ICE1: variants seen among roughly 807,000 people sequenced by gnomAD.
ICE1 encodes the protein interactor of little elongation complex ELL subunit 1.
Under a neutral mutation model 192.7 loss-of-function variants are expected in ICE1, and 64 were observed. The ratio of observed to expected loss-of-function variants is 0.33; its 90% CI spans 0.27 to 0.41. The LOEUF is 0.41. Among genes scored for constraint, ICE1 ranks in the 10% least tolerant of loss-of-function variants. The pLI is 1.00. For missense variants in ICE1, 2,708 were observed against 2,696.0 expected (o/e 1.00, Z -0.10); for synonymous variants, 1,010 against 984.5 (o/e 1.03, Z -0.49).
At chr5:5,480,427 T>A (rs180871074) in intron 17 of ICE1, among the ~76,000 whole-genome samples, 3 of 152,072 alleles carry the variant, frequency 2.0e-5, no homozygotes, top group Admixed American at 1.3e-4. Context: ...TTTTTGTATT[T>A]TTAGTAGAGA....
At chr5:5,474,812 G>A (rs1739264809) in intron 16 of ICE1, among the ~76,000 whole-genome samples, 1 of 152,196 alleles carries the variant, frequency 6.6e-6, no homozygotes, top group African/African-American at 2.4e-5. Flanking sequence ...ATGGATCCAT[G>A]TGTGTCCAAG....
Position 5,463,413 on chromosome 5 carries a change from A to G in ICE1, c.4079A>G (p.Glu1360Gly), listed in dbSNP as rs2111382680. ...SDAGRQTDGG[E>G]EDLPEPVEPS... is the part of the protein sequence containing the mutation. ...GCAGGCAGGCAAACCGATGGTGGGG[A>G]AGAAGACCTGCCAGAACCTGTGGAG... is the stretch of plus-strand genomic sequence containing the variant. Residue 1360 changes from glutamate to glycine, a missense_variant, in exon 13 of 19, where the codon GAA becomes GGA. By Grantham distance (98) the Glu-to-Gly change is moderately conservative. Around this residue, in one of 2 missense-constraint regions of ICE1, gnomAD observed 2,366 missense variants for 2,276.6 expected, o/e 1.04. Transcript: ENST00000296564. The G allele has an allele frequency of 6.2e-7, 1 of 1,613,600 alleles. No individual in the cohort carries two copies. Among genetic ancestry groups the G allele is most frequent in the Non-Finnish European group, 8.5e-7 (1 of 1,179,746 alleles).
intron 1 of ICE1, among the ~76,000 whole-genome samples, chr5:5,423,764 C>T (rs1352860041): frequency 6.6e-6 from 1 of 152,112 alleles, no homozygotes; most frequent in African/African-American, 2.4e-5. Flanking sequence ...TTCCTACTAT[C>T]GCGGTTTCAG....
intron 17 of ICE1, among the ~76,000 whole-genome samples, chr5:5,482,066 T>C (rs940484490): frequency 6.6e-6 from 1 of 152,238 alleles, no homozygotes; most frequent in Admixed American, 6.5e-5. Flanking sequence ...CTATTTAAGA[T>C]TATATACTTT....
At chr5:5,432,144 T>G (rs1737728424) in intron 1 of ICE1, among the ~76,000 whole-genome samples, 1 of 152,216 alleles carries the variant, frequency 6.6e-6, no homozygotes, top group Admixed American at 6.5e-5. Flanking sequence ...TAAAACATTT[T>G]CATCCTCCAC....
chr5:5,440,460 G>A (rs1004775675), intron 4 of ICE1, among the ~76,000 whole-genome samples: 3 of 152,292 alleles, frequency 2.0e-5, no homozygotes, highest in Admixed American at 6.5e-5. Context: ...TGATTTTACT[G>A]TAAAGTATTC....
rs1259057525 is a variant in ICE1, at chr5:5,466,412, C to T, written c.5971C>T (p.His1991Tyr). ...GATATCTATGGACCACAATTACATT[C>T]ACGCCCTCTGCAGGGTGTATGTGGG... Reference protein sequence around the residue: ...QKISMDHNYIHALCRVYVGIC... With the variant: ...QKISMDHNYIYALCRVYVGIC... The change falls in exon 14 of 19, where the codon CAC (histidine) becomes TAC (tyrosine). Residue 1991 changes from histidine (H) to tyrosine (Y), a missense_variant. This residue lies in a region of ICE1 where 342 missense variants were observed against 419.3 expected (regional missense o/e 0.82). Transcript: ENST00000296564. The T allele has an allele frequency of 1.2e-6, 2 of 1,613,458 alleles. No individual in the cohort carries two copies. The highest frequency in any genetic ancestry group is 1.7e-6 in the Non-Finnish European group (2 of 1,179,710).
At chr5:5,484,572 A>G (rs569309323) in intron 17 of ICE1, among the ~76,000 whole-genome samples, 1 of 152,352 alleles carries the variant, frequency 6.6e-6, no homozygotes, top group South Asian at 2.1e-4. Context: ...TAGGCTCCCT[A>G]GAAATTATTC....
At position 5,461,082 on chromosome 5, in the gene ICE1, G is replaced by T. The variant is rs1351105547; in HGVS notation, c.1748G>T (p.Gly583Val). 4 of 1,613,884 alleles carry T rather than the reference G, an allele frequency of 2.5e-6. No homozygotes were observed. Among genetic ancestry groups the T allele is most frequent in the Non-Finnish European group, 3.4e-6 (4 of 1,179,912 alleles). ...GAACCAGACCGTATCACAGTTTCTG[G>T]CCATTTTCACAGACTATCTAGAGAA... ...TSEPDRITVS[G>V]HFHRLSRELE... Residue 583 changes from glycine to valine, a missense_variant, in exon 13 of 19, where the codon GGC (glycine) becomes GTC (valine). Transcript: ENST00000296564.
rs1441648541 is a variant in ICE1, at chr5:5,435,682, T to TG, written c.85-736_85-735insG. On this transcript the variant is annotated intron_variant, in intron 1 of 18. Coordinates refer to ENST00000296564, the MANE Select transcript of ICE1 (RefSeq NM_015325.3). Reference sequence around the variant, plus strand: ...GTTTTTTTTTTTTTTTGTTTTGTTTTTGTTTTTTTTTTCGAGATGGAATCT... The same window carrying TG: ...GTTTTTTTTTTTTTTTGTTTTGTTTTGTGTTTTTTTTTTCGAGATGGAATCT... Among the ~76,000 whole-genome samples the TG allele has an allele frequency of 6.6e-3, 756 of 113,890 alleles. 13 individuals carry two copies. Among genetic ancestry groups the TG allele is most frequent in the African/African-American group, 0.026 (726 of 27,700 alleles). The allele number at this position is 113,890 out of a possible 152,430, so 74.7% of individuals were successfully genotyped here.
chr5:5,447,672 G>GTTTTA (rs1561080523), intron 8 of ICE1, 49 bp from the exon 9 acceptor site: 1 of 1,510,390 alleles, frequency 6.6e-7, no homozygotes. Flanking sequence ...GTCTAGAATG[G>GTTTTA]CTGCACTTCT....
chr5:5,477,573 T>C (rs1739353286), intron 17 of ICE1, among the ~76,000 whole-genome samples: 1 of 152,230 alleles, frequency 6.6e-6, no homozygotes, highest in South Asian at 2.1e-4. Context: ...GAGGAGCTGG[T>C]ACCATTCCTT....
chr5:5,439,840 C>T, intron 3 of ICE1, 55 bp from the exon 4 acceptor site: 1 of 1,227,056 alleles, frequency 8.1e-7, no homozygotes, highest in East Asian at 2.6e-5. Context: ...TGAGTTTTAT[C>T]TCCAGAGAAG....
intron 1 of ICE1, among the ~76,000 whole-genome samples, chr5:5,425,706 G>A (rs536896919): frequency 6.6e-6 from 1 of 152,296 alleles, no homozygotes; most frequent in Admixed American, 6.5e-5. Context: ...GATGGTGAAG[G>A]TTTTTGCATA....
Position 5,422,876 on chromosome 5 carries a change from C to T in ICE1, c.-40C>T, listed in dbSNP as rs1737349420. The T allele has an allele frequency of 7.6e-7, 1 of 1,319,686 alleles. No homozygotes were observed. Among genetic ancestry groups the T allele is most frequent in the Non-Finnish European group, 9.7e-7 (1 of 1,034,510 alleles). The allele number at this position is 1,319,686 out of a possible 1,614,324, so 81.7% of individuals were successfully genotyped here. On this transcript the variant is annotated 5_prime_UTR_variant, in exon 1 of 19. Transcript: ENST00000296564. ...ACAGGACGGGGCCGACGCCGCGGGC[C>T]CCTGAGGCGTGCGTGCCCACCGGGC...
chr5:5,481,706 G>A (rs1195921214), intron 17 of ICE1, among the ~76,000 whole-genome samples: 6 of 152,228 alleles, frequency 3.9e-5, no homozygotes, highest in Non-Finnish European at 7.3e-5. Context: ...GTTTTCATCA[G>A]CAGTGGAGCA....
chr5:5,430,208 A>G (rs1204084126), intron 1 of ICE1, among the ~76,000 whole-genome samples: 3 of 152,298 alleles, frequency 2.0e-5, no homozygotes, highest in East Asian at 3.9e-4. Flanking sequence ...CCCTTCACCC[A>G]GGCACACCCT....
chr5:5,443,131 C>G (rs147694368), intron 5 of ICE1, 37 bp from the exon 6 acceptor site: 1,066 of 1,221,010 alleles, frequency 8.7e-4, no homozygotes, highest in Non-Finnish European at 1.1e-3. Flanking sequence ...CAGTGACTTT[C>G]ATTTTGACAA....
rs1254563307 is a variant in ICE1, at chr5:5,457,728, C to G, written c.1088C>G (p.Ser363Cys). ...TCACCTCACCCGGGTTCCTTACCGTCTTCATTTGCACCTGTGAGTTTTGCT... is the reference window on the plus strand; with the variant it reads ...TCACCTCACCCGGGTTCCTTACCGTGTTCATTTGCACCTGTGAGTTTTGCT... Reference protein sequence around the residue: ...MSSPHPGSLPSSFAPETYFGE... With the variant: ...MSSPHPGSLPCSFAPETYFGE... The change falls in exon 12 of 19, where the codon TCT becomes TGT. Residue 363 changes from serine to cysteine, a missense_variant. By Grantham distance (112) the Ser-to-Cys change is moderately radical. This residue lies in a region of ICE1 where 2,366 missense variants were observed against 2,276.6 expected (regional missense o/e 1.04). Transcript: ENST00000296564. The G allele has an allele frequency of 6.2e-7, 1 of 1,611,414 alleles. No individual in the cohort carries two copies.
Sources: gnomAD v4.1 joint callset for allele counts (sites outside exome capture counted in the v4.1 genomes callset) on GRCh38, gnomAD v4.1.1 for gene constraint, gnomAD v4.1.1 regional missense constraint, MANE v1.5 for transcripts, NCBI Gene and HGNC (gene_info 2026-07-23, HGNC 2026-07-21) for gene names.